Variants in TPX2 observed in about 807,000 individuals in gnomAD.
TPX2 encodes the protein targeting protein for Xklp2.
TPX2 carries 21 observed loss-of-function variants against 93.6 expected under a neutral mutation model. That is an observed-to-expected ratio of 0.22 (90% CI 0.16 to 0.32). The LOEUF is 0.32. Ranked by LOEUF, TPX2 falls within the 10% of genes least tolerant of loss-of-function variation. TPX2 has a pLI of 1.00. For missense variants in TPX2, 776 were observed against 871.1 expected, an observed-to-expected ratio of 0.89 and a Z score of 1.37; for synonymous variants, 281 against 298.3, an observed-to-expected ratio of 0.94 and a Z score of 0.60.
chr20:31,754,716 T>C (rs919090611), intron 2 of TPX2, among the ~76,000 whole-genome samples: 118 of 152,268 alleles, frequency 7.7e-4, no homozygotes, highest in African/African-American at 2.7e-3. Flanking sequence ...GCTACAAGGA[T>C]GATGCTTTAG....
intron 4 of TPX2, among the ~76,000 whole-genome samples, chr20:31,761,775 G>C (rs1256261362): frequency 6.6e-6 from 1 of 152,184 alleles, no homozygotes; most frequent in Non-Finnish European, 1.5e-5. Context: ...ATACCCAGTA[G>C]GGGGATTGCT....
intron 4 of TPX2, among the ~76,000 whole-genome samples, chr20:31,764,153 TAC>T (rs1436161136): frequency 3.3e-5 from 5 of 149,372 alleles, no homozygotes; most frequent in Non-Finnish European, 7.5e-5. Context: ...TATGTGTACA[TAC>T]ATGTACACAT....
intron 2 of TPX2, among the ~76,000 whole-genome samples, chr20:31,748,551 T>G (rs146879945): frequency 1.1e-3 from 172 of 152,340 alleles, no homozygotes; most frequent in African/African-American, 4.0e-3. Context: ...ATGCTTAGTT[T>G]TCATAAAGGG....
chr20:31,797,346 A>AG, intron 15 of TPX2, 58 bp from the exon 16 acceptor site: 1 of 1,463,388 alleles, frequency 6.8e-7, no homozygotes, highest in Middle Eastern at 1.8e-4. Context: ...TAAGTTATTG[A>AG]GGTAGTGGTC....
intron 4 of TPX2, 66 bp downstream of exon 4, chr20:31,760,245 G>C: frequency 6.3e-7 from 1 of 1,585,708 alleles, no homozygotes; most frequent in Non-Finnish European, 8.5e-7. Context: ...GAAGCCTGAG[G>C]TTCTGGGAAA....
At chr20:31,792,689 T>A in intron 12 of TPX2, 46 bp from the exon 13 acceptor site, 1 of 1,507,118 alleles carries the variant, frequency 6.6e-7, no homozygotes, top group African/African-American at 1.4e-5. Context: ...TACAGCTTAG[T>A]GGAGATCATT....
chr20:31,779,512 C>T lies in TPX2; in HGVS notation c.1054+528C>T, dbSNP rs374714184. On this transcript the variant is annotated intron_variant, in intron 10 of 17. Transcript: ENST00000300403. ...AAGCCTTTACCATAATTTGTAGTGA[C>T]CTATTTATCTCTGTCATTAGAGATA... 2.5e-3 allele frequency among the ~76,000 whole-genome samples: 378 copies of T among 152,304 alleles called. 2 individuals carry two copies. The highest frequency in any genetic ancestry group is 8.5e-3 in the African/African-American group (354 of 41,564).
chr20:31,783,502 T>C (rs901946790), intron 11 of TPX2, among the ~76,000 whole-genome samples: 7 of 152,136 alleles, frequency 4.6e-5, no homozygotes, highest in African/African-American at 1.7e-4. Context: ...CTGCTCACCT[T>C]GGCTTCCCAA....
At chr20:31,754,937 A>G (rs896473626) in intron 2 of TPX2, among the ~76,000 whole-genome samples, 6 of 152,162 alleles carry the variant, frequency 3.9e-5, no homozygotes, top group South Asian at 4.2e-4. Flanking sequence ...ATAGTGTAGC[A>G]TTATAGGTTT....
chr20:31,764,159 TACAC>T (rs958332509), intron 4 of TPX2, among the ~76,000 whole-genome samples: 5 of 149,576 alleles, frequency 3.3e-5, no homozygotes, highest in Non-Finnish European at 7.5e-5. Flanking sequence ...TACATACATG[TACAC>T]ATACATGTAT....
intron 2 of TPX2, among the ~76,000 whole-genome samples, chr20:31,743,536 CAT>C (rs1219437260): frequency 3.3e-5 from 5 of 151,848 alleles, no homozygotes; most frequent in Admixed American, 1.3e-4. Flanking sequence ...AAAAATAAAA[CAT>C]AAAAAAATTT....
At chr20:31,793,817 T>A (rs1467675378) in intron 13 of TPX2, 31 bp from the exon 14 acceptor site, 1 of 1,532,450 alleles carries the variant, frequency 6.5e-7, no homozygotes, top group African/African-American at 1.4e-5. Context: ...GAGTGAGGAG[T>A]CTTATTTCTA....
intron 2 of TPX2, among the ~76,000 whole-genome samples, chr20:31,750,162 CT>C (rs767712530): frequency 0.016 from 2,262 of 137,500 alleles, 23 homozygotes; most frequent in Middle Eastern, 0.035. Flanking sequence ...GTCTCGATTT[CT>C]TTTTTTTTTT....
At chr20:31,777,759 G>A in intron 9 of TPX2, 121 bp downstream of exon 9, 1 of 1,044,352 alleles carries the variant, frequency 9.6e-7, no homozygotes, top group East Asian at 2.8e-5. Flanking sequence ...TGTCTATAAA[G>A]TTGTGTAAAA....
chr20:31,782,294 C>A lies in TPX2; in HGVS notation c.1100C>A (p.Pro367Gln). 1 of 1,613,658 alleles carries A rather than the reference C, an allele frequency of 6.2e-7. No homozygotes were observed. Among genetic ancestry groups the A allele is most frequent in the South Asian group, 1.1e-5 (1 of 90,952 alleles). Residue 367 changes from proline (P) to glutamine (Q), a missense_variant, in exon 11 of 18, where the codon CCA (proline) becomes CAA (glutamine). Coordinates refer to ENST00000300403, the MANE Select transcript of TPX2 (RefSeq NM_012112.5). ...TCTGTGACCAAGATTTGCAGAGACC[C>A]ACAGACTCCTGTACTGCAAACCAAA... Reference protein sequence around the residue: ...KSSVTKICRDPQTPVLQTKHR... With the variant: ...KSSVTKICRDQQTPVLQTKHR...
At chr20:31,751,254 G>A (rs1221951099) in intron 2 of TPX2, among the ~76,000 whole-genome samples, 1 of 152,170 alleles carries the variant, frequency 6.6e-6, no homozygotes, top group Non-Finnish European at 1.5e-5. Context: ...TCATGGTTTT[G>A]AGGCTAAGTG....
intron 1 of TPX2, among the ~76,000 whole-genome samples, chr20:31,741,946 T>C (rs966394576): frequency 6.6e-6 from 1 of 151,932 alleles, no homozygotes; most frequent in Non-Finnish European, 1.5e-5. Flanking sequence ...AGCGATTCTG[T>C]GAATAGATCT....
chr20:31,777,812 T>A (rs2062011015), intron 9 of TPX2, among the ~76,000 whole-genome samples, 174 bp downstream of exon 9: 3 of 152,114 alleles, frequency 2.0e-5, no homozygotes, highest in Admixed American at 6.5e-5. Context: ...GTTTCACTTT[T>A]GTCGCCCAGG....
intron 8 of TPX2, among the ~76,000 whole-genome samples, chr20:31,776,931 A>AT (rs2063259960): frequency 6.6e-6 from 1 of 152,092 alleles, no homozygotes; most frequent in Non-Finnish European, 1.5e-5. Context: ...TTGTTTTCCT[A>AT]TTTTTTTCTA....
Sources: allele counts gnomAD v4.1 joint callset (sites outside exome capture counted in the v4.1 genomes callset), GRCh38; gene constraint gnomAD v4.1.1; transcripts MANE v1.5; gene names NCBI Gene and HGNC (gene_info 2026-07-23, HGNC 2026-07-21).